Variants in KCTD9 observed in about 807,000 individuals in gnomAD.
The protein encoded by KCTD9 is BTB/POZ domain-containing protein KCTD9.
A neutral mutation model predicts 53.3 loss-of-function variants in KCTD9; 17 were observed. That is an observed-to-expected ratio of 0.32 (90% CI 0.22 to 0.48). The LOEUF (loss-of-function observed/expected upper bound fraction) is 0.48. KCTD9 is among the 20% of genes least tolerant of loss of function. The probability of loss-of-function intolerance (pLI) is 0.99; values close to 1 mark genes in which losing one functional copy is unlikely to be tolerated. For synonymous variants in KCTD9, 128 were observed against 162.7 expected (o/e 0.79, Z 1.62); for missense variants, 179 against 465.5 (o/e 0.38, Z 5.66).
chr8:25,436,508 G>A, intron 6 of KCTD9, 23 bp from the exon 7 acceptor site: 2 of 1,405,270 alleles, frequency 1.4e-6, no homozygotes, highest in Non-Finnish European at 2.0e-6. Context: ...AAATAATTCT[G>A]AAACAACCTA....
At chr8:25,447,649 CT>C (rs1221710050) in intron 1 of KCTD9, among the ~76,000 whole-genome samples, 2 of 152,080 alleles carry the variant, frequency 1.3e-5, no homozygotes, top group African/African-American at 4.8e-5. Flanking sequence ...TAACTTTTTT[CT>C]CTTGGATCAG....
At chr8:25,434,201 G>C (rs1801978859) in intron 9 of KCTD9, among the ~76,000 whole-genome samples, 1 of 152,322 alleles carries the variant, frequency 6.6e-6, no homozygotes, top group Middle Eastern at 3.4e-3. Flanking sequence ...CCAAGTTCAA[G>C]TGATTCTCGT....
Position 25,446,124 on chromosome 8 carries a change from G to A in KCTD9, c.170+5C>T. The A allele has an allele frequency of 6.2e-7, 1 of 1,612,994 alleles. No homozygotes were observed. Among genetic ancestry groups the A allele is most frequent in the Non-Finnish European group, 8.5e-7 (1 of 1,179,516 alleles). On this transcript the variant is annotated splice_donor_5th_base_variant and intron_variant, in intron 2 of 11. Transcript: ENST00000221200. ...GTTGACAGCTTATAAAAAGGTGAAG[G>A]TTACCTGATCAAAGCAATATCATCA...
intron 3 of KCTD9, among the ~76,000 whole-genome samples, chr8:25,442,892 G>A (rs960146854): frequency 1.3e-5 from 2 of 152,138 alleles, no homozygotes; most frequent in Admixed American, 1.3e-4. Context: ...TAAAGTAAAT[G>A]AGTAATTATG....
At chr8:25,433,485 A>G (rs761869574) in intron 9 of KCTD9, 50 bp from the exon 10 acceptor site, 2 of 1,020,180 alleles carry the variant, frequency 2.0e-6, no homozygotes, top group South Asian at 3.4e-5. Context: ...AATTTTGTTC[A>G]AATTAGCTCA....
rs1802325301 is a variant in KCTD9 at position 25,451,818 on chromosome 8, TA to T, written c.49-5569del. Among the ~76,000 whole-genome samples, 3 of 152,316 alleles carry T rather than the reference TA, an allele frequency of 2.0e-5. No individual in the cohort carries two copies. The South Asian group carries it at 6.2e-4, about 32-fold the overall frequency. Reference sequence around the variant, plus strand: ...GCATGTAAAATATTTTTTTCTTTTATACCCACAAGATTTATTACATAATACA... The same window carrying T: ...GCATGTAAAATATTTTTTTCTTTTATCCCACAAGATTTATTACATAATACA... On this transcript the variant is annotated intron_variant, in intron 1 of 11. Coordinates refer to ENST00000221200, the MANE Select transcript of KCTD9 (RefSeq NM_017634.4).
At chr8:25,441,865 G>A (rs1802129356) in intron 3 of KCTD9, among the ~76,000 whole-genome samples, 1 of 151,968 alleles carries the variant, frequency 6.6e-6, no homozygotes, top group South Asian at 2.1e-4. Flanking sequence ...ATCCGGGCAT[G>A]GTAGCACACA....
At chr8:25,434,656 A>T (rs7842899) in intron 9 of KCTD9, among the ~76,000 whole-genome samples, 2 of 151,886 alleles carry the variant, frequency 1.3e-5, no homozygotes, top group African/African-American at 4.8e-5. Flanking sequence ...TTCATGGAAA[A>T]ATAAGCTGCA....
At chr8:25,432,051 C>G (rs1444303716) in intron 11 of KCTD9, among the ~76,000 whole-genome samples, 3 of 152,184 alleles carry the variant, frequency 2.0e-5, no homozygotes, top group African/African-American at 7.2e-5. Context: ...GACCTATCAA[C>G]AGCTATCAAG....
intron 3 of KCTD9, among the ~76,000 whole-genome samples, chr8:25,441,279 A>T (rs939792154): frequency 1.3e-5 from 2 of 152,192 alleles, no homozygotes; most frequent in African/African-American, 4.8e-5. Context: ...AAAACAACAG[A>T]AAAGGGAACT....
chr8:25,441,726 G>A (rs1802126330), intron 3 of KCTD9, among the ~76,000 whole-genome samples: 1 of 152,108 alleles, frequency 6.6e-6, no homozygotes, highest in Admixed American at 6.6e-5. Flanking sequence ...GGTCAGACGT[G>A]GTGGCTCATG....
chr8:25,444,241 A>AACT, intron 3 of KCTD9, 51 bp downstream of exon 3: 1 of 785,468 alleles, frequency 1.3e-6, no homozygotes, highest in South Asian at 1.6e-5. Context: ...TTGTCATTCC[A>AACT]TCTTTTTTTT....
Position 25,458,188 on chromosome 8 carries a change from GC to G in KCTD9, c.48+10del. 1.8e-6 allele frequency: 1 copy of G among 554,220 alleles called. No individual in the cohort carries two copies. The highest frequency in any genetic ancestry group is 2.6e-6 in the Non-Finnish European group (1 of 389,494). 34.3% of individuals were successfully genotyped at this position (554,220 alleles called of 1,614,324 possible). ...CCCCCGGCCCGCCGCGCCCCCTCACGCCCCCGTTACCTTTCCGTTCTTGGGG... is the reference window on the plus strand; with the variant it reads ...CCCCCGGCCCGCCGCGCCCCCTCACGCCCCGTTACCTTTCCGTTCTTGGGG... On this transcript the variant is annotated intron_variant, in intron 1 of 11. Transcript: ENST00000221200.
At position 25,429,787 on chromosome 8, in the gene KCTD9, T is replaced by G. The variant is rs1274887187; in HGVS notation, c.*70A>C. The stretch of plus-strand genomic sequence containing the variant: ...GTGTTATTTCTTCTAGACAACTGAG[T>G]GGGTGGAGAAAGAAAAGTGATAAGG... On this transcript the variant is annotated 3_prime_UTR_variant, in exon 12 of 12. Transcript: ENST00000221200. 1 of 786,672 alleles carries G rather than the reference T, an allele frequency of 1.3e-6. No individual in the cohort carries two copies. The highest frequency in any genetic ancestry group is 2.3e-6 in the Non-Finnish European group (1 of 438,674). The allele number at this position is 786,672 out of a possible 1,614,324, so 48.7% of individuals were successfully genotyped here.
At chr8:25,455,958 T>G (rs549712737) in intron 1 of KCTD9, among the ~76,000 whole-genome samples, 14 of 152,346 alleles carry the variant, frequency 9.2e-5, no homozygotes, top group African/African-American at 3.4e-4. Flanking sequence ...ACACTGTCTG[T>G]GGTGTGTCAT....
chr8:25,432,006 T>A (rs77119803), intron 11 of KCTD9, among the ~76,000 whole-genome samples: 1 of 152,230 alleles, frequency 6.6e-6, no homozygotes, highest in Admixed American at 6.5e-5. Flanking sequence ...AACATGTCCC[T>A]CCTGCACAAA....
At chr8:25,442,947 C>G (rs545155576) in intron 3 of KCTD9, among the ~76,000 whole-genome samples, 2 of 151,990 alleles carry the variant, frequency 1.3e-5, no homozygotes, top group South Asian at 2.1e-4. Flanking sequence ...AAAGTCAGGA[C>G]TATTGATATA....
chr8:25,444,215 G>A (rs1006558374), intron 3 of KCTD9, 77 bp downstream of exon 3: 26 of 1,107,726 alleles, frequency 2.3e-5, no homozygotes, highest in Non-Finnish European at 3.3e-5. Flanking sequence ...AAGCTTAATA[G>A]CCCCATTTAA....
At chr8:25,456,152 C>T (rs1044098013) in intron 1 of KCTD9, among the ~76,000 whole-genome samples, 9 of 152,164 alleles carry the variant, frequency 5.9e-5, no homozygotes, top group Admixed American at 3.3e-4. Context: ...AGTCTGGTAA[C>T]TACTAAACAA....
Sources: allele counts gnomAD v4.1 joint callset (sites outside exome capture counted in the v4.1 genomes callset), GRCh38; gene constraint gnomAD v4.1.1; transcripts MANE v1.5; gene names NCBI Gene and HGNC (gene_info 2026-07-23, HGNC 2026-07-21).